SAXO1: variants seen among roughly 807,000 people sequenced by gnomAD.
SAXO1 encodes 4930500O09Rik.
In SAXO1, 21 loss-of-function variants were observed where a neutral mutation model predicts 17.5. The observed-to-expected ratio is 1.20, with a 90% CI of 0.85 to 1.72. The LOEUF is 1.72. Among genes scored for constraint, SAXO1 ranks in the 40% most tolerant of loss-of-function variants. SAXO1 has a pLI of 0.00. For missense variants in SAXO1, 843 were observed against 596.0 expected (o/e 1.41, Z -4.32); for synonymous variants, 274 against 216.5 (o/e 1.27, Z -2.33).
At chr9:19,010,326 C>T (rs1324293580) in intron 1 of SAXO1, among the ~76,000 whole-genome samples, 1 of 152,144 alleles carries the variant, frequency 6.6e-6, no homozygotes, top group East Asian at 1.9e-4. Flanking sequence ...AGGGCTGGAA[C>T]CCACATTTCC....
chr9:18,946,133 G>A (rs1013366310), intron 2 of SAXO1, among the ~76,000 whole-genome samples: 1 of 151,866 alleles, frequency 6.6e-6, no homozygotes, highest in African/African-American at 2.4e-5. Context: ...AAAATTAGCT[G>A]GATGTGGTGG....
At chr9:18,995,152 C>A (rs10811085) in intron 1 of SAXO1, among the ~76,000 whole-genome samples, 78,333 of 152,008 alleles carry the variant, frequency 0.52, 21,784 homozygotes, top group Non-Finnish European at 0.63. Flanking sequence ...TTTTCTCCCC[C>A]CAAAAATACC....
chr9:19,013,542 T>G (rs1422021135), intron 1 of SAXO1, among the ~76,000 whole-genome samples: 19 of 113,312 alleles, frequency 1.7e-4, no homozygotes, highest in Non-Finnish European at 2.7e-4. Context: ...AAGTACGGAT[T>G]TTTTTTTTTT....
At chr9:18,995,679 C>G (rs1451579621) in intron 1 of SAXO1, among the ~76,000 whole-genome samples, 4 of 152,192 alleles carry the variant, frequency 2.6e-5, no homozygotes, top group Non-Finnish European at 5.9e-5. Flanking sequence ...AAAGTCCCCA[C>G]AAATAATTCA....
At chr9:19,011,711 C>T (rs753554967) in intron 1 of SAXO1, among the ~76,000 whole-genome samples, 1 of 152,168 alleles carries the variant, frequency 6.6e-6, no homozygotes, top group Non-Finnish European at 1.5e-5. Flanking sequence ...GTTTTAACAA[C>T]CAAATCCAGT....
rs34071474 is a variant in SAXO1, at chr9:18,975,012, A to G, written c.39-24075T>C. On this transcript the variant is annotated intron_variant, in intron 1 of 3. Transcript: ENST00000380534. ...CCTTGACCATATGATCAAGGTTAGC[A>G]TCATCATGACTGTGTAGGGTATGGC... Among the ~76,000 whole-genome samples the G allele has an allele frequency of 3.4e-3, 515 of 152,334 alleles. 2 individuals are homozygous for G. The highest frequency in any genetic ancestry group is 6.1e-3 in the Non-Finnish European group (416 of 68,042).
At chr9:18,953,620 C>T (rs1832127797) in intron 1 of SAXO1, among the ~76,000 whole-genome samples, 1 of 152,100 alleles carries the variant, frequency 6.6e-6, no homozygotes, top group Non-Finnish European at 1.5e-5. Flanking sequence ...CTTTCCCTAC[C>T]TGCACCATGA....
At chr9:19,027,721 T>C in intron 1 of SAXO1, 1 of 1,416,204 alleles carries the variant, frequency 7.1e-7, no homozygotes. Context: ...CCAAGCACTT[T>C]GACAGCGAGA....
At chr9:19,032,750 C>T (rs1475383514) in intron 1 of SAXO1, 121 bp downstream of exon 1, 4 of 1,059,384 alleles carry the variant, frequency 3.8e-6, no homozygotes, top group African/African-American at 1.6e-5. Context: ...GCTTAAAAAA[C>T]GTAGCAAGTG....
At chr9:19,037,999 TG>T (rs1170031818), upstream of SAXO1, among the ~76,000 whole-genome samples, 1 of 152,148 alleles carries the variant, frequency 6.6e-6, no homozygotes, top group Non-Finnish European at 1.5e-5. Context: ...CTGTGTATCA[TG>T]AAAAAATGCT....
chr9:18,977,682 TAC>T (rs1274089985), intron 1 of SAXO1, among the ~76,000 whole-genome samples: 1 of 152,094 alleles, frequency 6.6e-6, no homozygotes, highest in Non-Finnish European at 1.5e-5. Context: ...CATGTGTATA[TAC>T]ACATTTTCCT....
intron 1 of SAXO1, among the ~76,000 whole-genome samples, chr9:19,008,731 C>G (rs940746348): frequency 6.6e-6 from 1 of 152,116 alleles, no homozygotes; most frequent in Non-Finnish European, 1.5e-5. Flanking sequence ...CCACTCAGCC[C>G]GACTATGACG....
chr9:19,037,958 C>A (rs575001575), upstream of SAXO1, among the ~76,000 whole-genome samples: 1 of 152,210 alleles, frequency 6.6e-6, no homozygotes, highest in Non-Finnish European at 1.5e-5. Context: ...CTTTTCCACC[C>A]AATGAAAGGA....
intron 1 of SAXO1, among the ~76,000 whole-genome samples, chr9:18,985,387 G>A (rs1425727162): frequency 1.3e-5 from 2 of 152,060 alleles, no homozygotes; most frequent in Non-Finnish European, 2.9e-5. Flanking sequence ...TCAACACAGG[G>A]TTACCACAAA....
intron 1 of SAXO1, among the ~76,000 whole-genome samples, chr9:19,045,953 G>C (rs990872077): frequency 6.6e-6 from 1 of 151,906 alleles, no homozygotes; most frequent in Admixed American, 6.6e-5. Context: ...CGGGCCTGGG[G>C]GCGCATGCCT....
intron 1 of SAXO1, chr9:19,026,956 C>G: frequency 1.1e-6 from 1 of 884,818 alleles, no homozygotes; most frequent in East Asian, 2.6e-5. Flanking sequence ...AACATGTCCA[C>G]GGAGGAGATC....
At chr9:18,978,170 C>A (rs1327710570) in intron 1 of SAXO1, among the ~76,000 whole-genome samples, 1 of 152,116 alleles carries the variant, frequency 6.6e-6, no homozygotes, top group Non-Finnish European at 1.5e-5. Context: ...TGACCAAATT[C>A]TCTTCTCAGG....
intron 2 of SAXO1, among the ~76,000 whole-genome samples, chr9:18,950,044 CTGAGT>C: frequency 6.6e-6 from 1 of 152,272 alleles, no homozygotes; most frequent in South Asian, 2.1e-4. Context: ...AGGTCACTAA[CTGAGT>C]TGTCCATGGC....
In SAXO1 at chr9:18,976,614, G is replaced by C. The variant is rs536492513; in HGVS notation, c.39-25677C>G. 3.5e-4 allele frequency among the ~76,000 whole-genome samples: 53 copies of C among 150,892 alleles called. No individual in the cohort carries two copies. In the South Asian group the frequency reaches 0.01, roughly 29 times the overall value. On this transcript the variant is annotated intron_variant, in intron 1 of 3. Coordinates refer to ENST00000380534, the MANE Select transcript of SAXO1 (RefSeq NM_153707.4). ...AGAGTGGCCTAAAGTGTCTTTGATT[G>C]TAACTATGGGAAAGACTTTCATCCG...
Sources: allele counts gnomAD v4.1 joint callset (sites outside exome capture counted in the v4.1 genomes callset), GRCh38; gene constraint gnomAD v4.1.1; transcripts MANE v1.5; gene names NCBI Gene and HGNC (gene_info 2026-07-23, HGNC 2026-07-21).